SOX5: variants seen among roughly 807,000 people sequenced by gnomAD.
SOX5 encodes the protein SRY-box transcription factor 5, also known as transcription factor SOX-5.
SOX5 carries 9 observed loss-of-function variants against 92.0 expected under a neutral mutation model. The observed-to-expected ratio is 0.10, with a 90% CI of 0.06 to 0.17. The LOEUF is 0.17. Among genes scored for constraint, SOX5 ranks in the 10% least tolerant of loss-of-function variants. SOX5 has a pLI of 1.00. For missense variants in SOX5, 642 were observed against 944.5 expected, an observed-to-expected ratio of 0.68 and a Z score of 4.20; for synonymous variants, 344 against 336.3, an observed-to-expected ratio of 1.02 and a Z score of -0.25.
chr12:23,550,502 CAT>C lies in SOX5; in HGVS notation c.1489-4080_1489-4079del, dbSNP rs148221307. ...AAAATTGAAAAGACAGGGAATCTAA[CAT>C]GTGAGAATTACAGAAATAGTTAAAT... On this transcript the variant is annotated intron_variant, in intron 11 of 14. Coordinates refer to ENST00000451604, the MANE Select transcript of SOX5 (RefSeq NM_006940.6). Among the ~76,000 whole-genome samples the C allele has an allele frequency of 9.0e-3, 1,371 of 151,942 alleles. 29 individuals are homozygous for C. The highest frequency in any genetic ancestry group is 0.031 in the African/African-American group (1,271 of 41,492).
chr12:24,230,243 C>T (rs923080296), intron 3 of SOX5, among the ~76,000 whole-genome samples: 1 of 152,076 alleles, frequency 6.6e-6, no homozygotes, highest in Non-Finnish European at 1.5e-5. Flanking sequence ...TGAAATGCAG[C>T]GCAAACTTTA....
At chr12:24,341,852 C>T (rs1952613139) in intron 2 of SOX5, among the ~76,000 whole-genome samples, 1 of 152,166 alleles carries the variant, frequency 6.6e-6, no homozygotes. Flanking sequence ...GTGCCCAGTG[C>T]CCACTGGGCA....
chr12:23,866,295 T>C (rs901472008), intron 2 of SOX5, among the ~76,000 whole-genome samples: 4 of 152,320 alleles, frequency 2.6e-5, no homozygotes, highest in South Asian at 2.1e-4. Flanking sequence ...AAAAAGATTC[T>C]AATATATGGA....
At chr12:23,584,230 C>T (rs1021595799) in intron 9 of SOX5, among the ~76,000 whole-genome samples, 7 of 151,858 alleles carry the variant, frequency 4.6e-5, no homozygotes, top group African/African-American at 1.5e-4. Flanking sequence ...GCACGGATAG[C>T]CCATTGACGG....
At chr12:24,204,410 C>A (rs988366992) in intron 4 of SOX5, among the ~76,000 whole-genome samples, 4 of 151,938 alleles carry the variant, frequency 2.6e-5, no homozygotes, top group African/African-American at 4.8e-5. Context: ...CTCACTGCAA[C>A]CTCCACCTCT....
intron 1 of SOX5, among the ~76,000 whole-genome samples, chr12:23,941,492 C>T (rs1442651260): frequency 1.3e-5 from 2 of 151,460 alleles, no homozygotes; most frequent in Non-Finnish European, 3.0e-5. Flanking sequence ...AAAAATAATA[C>T]CTTTTCCTCT....
intron 2 of SOX5, chr12:24,357,197 T>C (rs1954944215): frequency 6.6e-6 from 1 of 152,170 alleles, no homozygotes; most frequent in African/African-American, 2.4e-5. Flanking sequence ...TTGGGTTATT[T>C]ATCTTCCTGT....
chr12:24,181,685 A>T (rs1465361802), intron 4 of SOX5, among the ~76,000 whole-genome samples: 1 of 152,194 alleles, frequency 6.6e-6, no homozygotes, highest in African/African-American at 2.4e-5. Context: ...AGAATTAGCT[A>T]GTATTATTGT....
chr12:24,245,235 T>TTGTGTG (rs58384963), intron 3 of SOX5, among the ~76,000 whole-genome samples: 3,879 of 144,300 alleles, frequency 0.027, 155 homozygotes, highest in African/African-American at 0.084. Flanking sequence ...TTGGAGAGAT[T>TTGTGTG]TGTGTGTGTG....
At chr12:24,473,633 G>T (rs1945044627) in intron 1 of SOX5, among the ~76,000 whole-genome samples, 1 of 152,178 alleles carries the variant, frequency 6.6e-6, no homozygotes, top group African/African-American at 2.4e-5. Flanking sequence ...AAAACATATA[G>T]TTCAATTGCT....
chr12:24,074,725 G>A (rs1424289949), intron 4 of SOX5, among the ~76,000 whole-genome samples: 1 of 145,152 alleles, frequency 6.9e-6, no homozygotes, highest in Non-Finnish European at 1.5e-5. Context: ...AAATTCCAAA[G>A]CTTTTCATAC....
chr12:24,444,809 T>C (rs993662541), intron 1 of SOX5, among the ~76,000 whole-genome samples: 4 of 152,214 alleles, frequency 2.6e-5, no homozygotes, highest in Middle Eastern at 6.3e-3. Flanking sequence ...CCCCAAAGGA[T>C]TGGCTGAGGC....
At chr12:24,113,255 T>TAAAAAAAAAA in intron 4 of SOX5, among the ~76,000 whole-genome samples, 1 of 118,150 alleles carries the variant, frequency 8.5e-6, no homozygotes, top group South Asian at 2.5e-4. Flanking sequence ...TGTAGAATCA[T>TAAAAAAAAAA]AAAAAAAAAA....
intron 4 of SOX5, among the ~76,000 whole-genome samples, chr12:24,177,241 G>C (rs892431892): frequency 2.0e-5 from 3 of 152,150 alleles, no homozygotes; most frequent in South Asian, 2.1e-4. Flanking sequence ...GAAATGTAGA[G>C]GGTAGAAAAC....
chr12:24,439,563 A>G (rs971133046), intron 1 of SOX5, among the ~76,000 whole-genome samples: 12 of 152,172 alleles, frequency 7.9e-5, no homozygotes, highest in Non-Finnish European at 1.5e-5. Context: ...TAAAACATCT[A>G]TGCTATTGTC....
chr12:23,658,807 C>T (rs758151642), intron 7 of SOX5, among the ~76,000 whole-genome samples: 1 of 152,146 alleles, frequency 6.6e-6, no homozygotes, highest in Admixed American at 6.5e-5. Flanking sequence ...GCAGGAGAAT[C>T]GCTTGAACTC....
chr12:23,703,319 G>T (rs2090926493), intron 6 of SOX5, among the ~76,000 whole-genome samples: 1 of 151,984 alleles, frequency 6.6e-6, no homozygotes, highest in African/African-American at 2.4e-5. Context: ...GTAAAGTATT[G>T]CTCCCTGAGC....
Position 23,934,733 on chromosome 12 carries a change from C to T in SOX5, c.38+14831G>A, listed in dbSNP as rs114093328. On this transcript the variant is annotated intron_variant, in intron 1 of 14. Coordinates refer to ENST00000451604, the MANE Select transcript of SOX5 (RefSeq NM_006940.6). Reference sequence around the variant, plus strand: ...AACATCTGTTAAAGAATAATCATAACATACATTTCCTAAACATGCTAAGTT... The same window carrying T: ...AACATCTGTTAAAGAATAATCATAATATACATTTCCTAAACATGCTAAGTT... Among the ~76,000 whole-genome samples the T allele has an allele frequency of 1.4e-3, 216 of 151,322 alleles. 1 individual carries two copies. The highest frequency in any genetic ancestry group is 5.1e-3 in the African/African-American group (211 of 41,418).
rs973733619 is a variant in SOX5 at position 23,536,500 on chromosome 12, T to C, written c.1941A>G (p.Ala647=). 1.2e-6 allele frequency: 2 copies of C among 1,614,200 alleles called. No homozygotes were observed. The highest frequency in any genetic ancestry group is 2.2e-5 in the East Asian group (1 of 44,880). The change falls in exon 14 of 15, where the codon GCA becomes GCG. Residue 647 remains alanine, a synonymous_variant. Transcript: ENST00000451604. ...TTTCCTGCCGCCTGTTGCGCATGAT[T>C]GCCTTGTATTCACCAATGCGCAGCT... ...GKKLRIGEYK[A]IMRNRRQEMR...
Sources: gnomAD v4.1 joint callset for allele counts (sites outside exome capture counted in the v4.1 genomes callset) on GRCh38, gnomAD v4.1.1 for gene constraint, MANE v1.5 for transcripts, NCBI Gene and HGNC (gene_info 2026-07-23, HGNC 2026-07-21) for gene names.